Variants in PCP4 observed in about 807,000 individuals in gnomAD.
PCP4 encodes the protein calmodulin regulator protein PCP4.
Under a neutral mutation model 10.0 loss-of-function variants are expected in PCP4, and 8 were observed. That is an observed-to-expected ratio of 0.80 (90% CI 0.47 to 1.45). The LOEUF (loss-of-function observed/expected upper bound fraction) is 1.45, where lower values mean the gene tolerates loss of function less well. Among genes scored for constraint, PCP4 ranks in the 40% most tolerant of loss-of-function variants. The pLI, the probability that PCP4 is intolerant of heterozygous loss-of-function variation, is 0.00. For missense variants in PCP4, 54 were observed against 74.4 expected (o/e 0.73, Z 1.01); for synonymous variants, 21 against 23.0 (o/e 0.91, Z 0.24).
chr21:39,906,065 G>C lies in PCP4; in HGVS notation c.61+7538G>C, dbSNP rs1382913343. 2.6e-5 allele frequency among the ~76,000 whole-genome samples: 4 copies of C among 152,192 alleles called. No homozygotes were observed. Among genetic ancestry groups the C allele is most frequent in the Admixed American group, 6.5e-5 (1 of 15,282 alleles). ...ACTCCGTCTCAAAATGCTCCCCCAT[G>C]CTGTCTTCCCTTTGATGTTACCATG... On this transcript the variant is annotated intron_variant, in intron 2 of 2. Coordinates refer to ENST00000328619, the MANE Select transcript of PCP4 (RefSeq NM_006198.3). The surrounding 1 kb of genome is among the most constrained non-coding windows in gnomAD (Gnocchi z 6.3).
intron 2 of PCP4, among the ~76,000 whole-genome samples, chr21:39,901,379 C>A (rs116888589): frequency 6.6e-6 from 1 of 152,330 alleles, no homozygotes; most frequent in Non-Finnish European, 1.5e-5. Context: ...GCCTGAAGAC[C>A]AGGCACATGG....
chr21:39,871,452 TTGCAAATGGTC>T (rs2087319677), intron 1 of PCP4, among the ~76,000 whole-genome samples: 1 of 152,214 alleles, frequency 6.6e-6, no homozygotes, highest in African/African-American at 2.4e-5. Context: ...AATGTGGGTT[TTGCAAATGGTC>T]TGCAAAACCC....
At chr21:39,886,607 A>G (rs956161115) in intron 1 of PCP4, among the ~76,000 whole-genome samples, 1 of 152,210 alleles carries the variant, frequency 6.6e-6, no homozygotes, top group Non-Finnish European at 1.5e-5. Context: ...TTCCATCTCA[A>G]AAATAAACAA....
At chr21:39,895,676 C>G (rs2087453462) in intron 1 of PCP4, among the ~76,000 whole-genome samples, 1 of 152,192 alleles carries the variant, frequency 6.6e-6, no homozygotes, top group Non-Finnish European at 1.5e-5. Context: ...GGGCATCTAC[C>G]CCATCAGGGA....
intron 2 of PCP4, among the ~76,000 whole-genome samples, chr21:39,924,811 C>T (rs1030658660): frequency 6.6e-5 from 10 of 152,298 alleles, no homozygotes; most frequent in African/African-American, 2.2e-4. Context: ...CTGAGATTAC[C>T]GGCATGAGCC....
chr21:39,885,075 A>G (rs1225562491), intron 1 of PCP4, among the ~76,000 whole-genome samples: 1 of 152,262 alleles, frequency 6.6e-6, no homozygotes, highest in Admixed American at 6.5e-5. Context: ...GAAAAGTAAC[A>G]AAATGACACC....
Position 39,906,990 on chromosome 21 carries a change from A to T in PCP4, c.61+8463A>T, listed in dbSNP as rs1055036997. 2.0e-5 allele frequency among the ~76,000 whole-genome samples: 3 copies of T among 152,224 alleles called. No homozygotes were observed. The highest frequency in any genetic ancestry group is 4.4e-5 in the Non-Finnish European group (3 of 68,040). On this transcript the variant is annotated intron_variant, in intron 2 of 2. Transcript: ENST00000328619. The surrounding 1 kb of genome is among the most constrained non-coding windows in gnomAD (Gnocchi z 6.3). Reference sequence around the variant, plus strand: ...AAACACTCATAATCTTATTTATAGAATTAATGTGCACAGCAGGCAGTTTTT... The same window carrying T: ...AAACACTCATAATCTTATTTATAGATTTAATGTGCACAGCAGGCAGTTTTT...
chr21:39,904,645 G>A (rs79389401), intron 2 of PCP4, among the ~76,000 whole-genome samples: 3,192 of 152,348 alleles, frequency 0.021, 53 homozygotes, highest in Middle Eastern at 0.034. Context: ...GCCTGCAGCA[G>A]TGACTCAGCT....
At chr21:39,917,563 C>T (rs577152164) in intron 2 of PCP4, among the ~76,000 whole-genome samples, 1 of 152,304 alleles carries the variant, frequency 6.6e-6, no homozygotes, top group Admixed American at 6.5e-5. Flanking sequence ...TGGCCCTCTA[C>T]TCCTTACAAA....
intron 1 of PCP4, among the ~76,000 whole-genome samples, chr21:39,876,005 C>T (rs1179004596): frequency 6.6e-6 from 1 of 151,736 alleles, no homozygotes; most frequent in South Asian, 2.1e-4. Flanking sequence ...GTGCTTCTAT[C>T]GTTTCCTTGG....
intron 1 of PCP4, among the ~76,000 whole-genome samples, chr21:39,871,770 A>G (rs2087321501): frequency 6.6e-6 from 1 of 152,180 alleles, no homozygotes; most frequent in South Asian, 2.1e-4. Flanking sequence ...TTCCCCAGTC[A>G]TGCATTCTAT....
chr21:39,889,911 A>G (rs955800409), intron 1 of PCP4, among the ~76,000 whole-genome samples: 6 of 152,220 alleles, frequency 3.9e-5, no homozygotes, highest in Non-Finnish European at 8.8e-5. Context: ...TATCCTAAAG[A>G]TGGAACAAAG....
At chr21:39,903,774 A>T (rs370787042) in intron 2 of PCP4, among the ~76,000 whole-genome samples, 2 of 149,468 alleles carry the variant, frequency 1.3e-5, no homozygotes, top group Non-Finnish European at 3.0e-5. Flanking sequence ...AGGCTGAGGC[A>T]GGAGAATGGC....
intron 1 of PCP4, among the ~76,000 whole-genome samples, chr21:39,895,544 C>G (rs566108292): frequency 5.3e-5 from 8 of 152,246 alleles, no homozygotes; most frequent in African/African-American, 1.9e-4. Flanking sequence ...AGGAAGGGCT[C>G]CAGAGCCAGC....
intron 2 of PCP4, among the ~76,000 whole-genome samples, chr21:39,922,713 T>C (rs2087602198): frequency 6.6e-6 from 1 of 152,166 alleles, no homozygotes; most frequent in Admixed American, 6.5e-5. Flanking sequence ...GCAACTACAC[T>C]GTTTGTTGAG....
At chr21:39,922,330 A>C (rs906177769) in intron 2 of PCP4, among the ~76,000 whole-genome samples, 5 of 152,236 alleles carry the variant, frequency 3.3e-5, no homozygotes, top group African/African-American at 1.2e-4. Context: ...TTTTATTACC[A>C]TTCCATCTTT....
At chr21:39,888,350 C>T (rs775357966) in intron 1 of PCP4, among the ~76,000 whole-genome samples, 1 of 152,216 alleles carries the variant, frequency 6.6e-6, no homozygotes, top group Non-Finnish European at 1.5e-5. Flanking sequence ...ACAAATACTT[C>T]CTTTCTTTTC....
intron 2 of PCP4, among the ~76,000 whole-genome samples, chr21:39,921,483 T>C (rs1443751642): frequency 2.0e-5 from 3 of 152,212 alleles, no homozygotes; most frequent in Non-Finnish European, 2.9e-5. Context: ...CTTTGTAAAA[T>C]AGGGAATCTT....
intron 2 of PCP4, among the ~76,000 whole-genome samples, chr21:39,924,751 C>T (rs1177362383): frequency 6.6e-6 from 1 of 152,258 alleles, no homozygotes; most frequent in East Asian, 1.9e-4. Context: ...ACGGTGTCTC[C>T]ATATGCTGCC....
Sources: allele counts gnomAD v4.1 joint callset (sites outside exome capture counted in the v4.1 genomes callset), GRCh38; gene constraint gnomAD v4.1.1; non-coding constraint Gnocchi (gnomAD v3.1); transcripts MANE v1.5; gene names NCBI Gene and HGNC (gene_info 2026-07-23, HGNC 2026-07-21).